Variants in SLC9A9 observed in about 807,000 individuals in gnomAD.
The protein encoded by SLC9A9 is sodium/hydrogen exchanger 9.
Under a neutral mutation model 77.8 loss-of-function variants are expected in SLC9A9, and 62 were observed. That is an observed-to-expected ratio of 0.80 (90% CI 0.65 to 0.98). The LOEUF is 0.98. Among genes scored for constraint, SLC9A9 ranks in the 50% least tolerant of loss-of-function variants. SLC9A9 has a pLI of 0.00. For missense variants in SLC9A9, 775 were observed against 774.9 expected (o/e 1.00, Z 0.00); for synonymous variants, 320 against 283.5 (o/e 1.13, Z -1.29).
In SLC9A9 at chr3:143,358,533, G is replaced by A. The variant is rs537482691; in HGVS notation, c.1604+4951C>T. 2.0e-5 allele frequency among the ~76,000 whole-genome samples: 3 copies of A among 152,238 alleles called. No homozygotes were observed. In the South Asian group the frequency reaches 6.2e-4, roughly 32 times the overall value. ...CTTATCCTGTGTCATTCACATTTATGGGGCTAATTTATACACACGTTTAAG... is the reference window on the plus strand; with the variant it reads ...CTTATCCTGTGTCATTCACATTTATAGGGCTAATTTATACACACGTTTAAG... On this transcript the variant is annotated intron_variant, in intron 14 of 15. Coordinates refer to ENST00000316549, the MANE Select transcript of SLC9A9 (RefSeq NM_173653.4).
At chr3:143,533,114 T>C (rs1168938721) in intron 9 of SLC9A9, among the ~76,000 whole-genome samples, 2 of 152,240 alleles carry the variant, frequency 1.3e-5, no homozygotes. Flanking sequence ...ACTCATTTAT[T>C]CACCCACAAA....
chr3:143,664,852 A>T (rs1465306994), intron 5 of SLC9A9, among the ~76,000 whole-genome samples: 2 of 152,246 alleles, frequency 1.3e-5, no homozygotes, highest in African/African-American at 4.8e-5. Context: ...TTAGAGACAT[A>T]CAAAGAGACT....
chr3:143,777,019 C>T (rs191408709), intron 4 of SLC9A9, among the ~76,000 whole-genome samples: 22 of 152,106 alleles, frequency 1.4e-4, no homozygotes, highest in Admixed American at 6.6e-4. Context: ...ATCTATCTGA[C>T]GAAAGATATG....
At chr3:143,331,145 TCCTGAGCATTC>T (rs371086417) in intron 14 of SLC9A9, among the ~76,000 whole-genome samples, 253 of 152,272 alleles carry the variant, frequency 1.7e-3, no homozygotes, top group African/African-American at 5.9e-3. Flanking sequence ...TTAGAGACAA[TCCTGAGCATTC>T]CCTGAGCATT....
intron 11 of SLC9A9, among the ~76,000 whole-genome samples, chr3:143,475,819 C>A (rs1337979152): frequency 1.4e-5 from 2 of 147,856 alleles, no homozygotes; most frequent in African/African-American, 2.4e-5. Context: ...ACAATTGGAA[C>A]CCAAAAGAAA....
intron 14 of SLC9A9, among the ~76,000 whole-genome samples, chr3:143,319,911 A>G (rs1302072109): frequency 6.6e-6 from 1 of 152,228 alleles, no homozygotes; most frequent in African/African-American, 2.4e-5. Flanking sequence ...TCTCTGAAAC[A>G]GGGATGACAG....
At chr3:143,524,236 G>A (rs2036365927) in intron 9 of SLC9A9, among the ~76,000 whole-genome samples, 1 of 152,058 alleles carries the variant, frequency 6.6e-6, no homozygotes, top group Non-Finnish European at 1.5e-5. Context: ...ATGGGGGTGG[G>A]GGATGGAAAG....
intron 12 of SLC9A9, among the ~76,000 whole-genome samples, chr3:143,453,902 C>T (rs1204978527): frequency 6.6e-6 from 1 of 152,122 alleles, no homozygotes; most frequent in African/African-American, 2.4e-5. Flanking sequence ...AAGTGAATGA[C>T]ATTGGGTGCC....
At chr3:143,746,798 T>C (rs1935207507) in intron 4 of SLC9A9, among the ~76,000 whole-genome samples, 1 of 152,208 alleles carries the variant, frequency 6.6e-6, no homozygotes. Flanking sequence ...AATGTCTTGC[T>C]TTCTCAGTCA....
intron 5 of SLC9A9, among the ~76,000 whole-genome samples, chr3:143,663,171 A>C (rs1397457467): frequency 6.6e-6 from 1 of 152,192 alleles, no homozygotes; most frequent in African/African-American, 2.4e-5. Context: ...CCAGGCAAAC[A>C]GGGTCTGCAG....
intron 12 of SLC9A9, among the ~76,000 whole-genome samples, chr3:143,453,311 C>A (rs1409527480): frequency 6.6e-6 from 1 of 151,840 alleles, no homozygotes; most frequent in Non-Finnish European, 1.5e-5. Flanking sequence ...TATGTTATTT[C>A]AGAATATGAA....
intron 5 of SLC9A9, among the ~76,000 whole-genome samples, chr3:143,669,901 G>T (rs2039132150): frequency 6.6e-6 from 1 of 152,258 alleles, no homozygotes; most frequent in East Asian, 1.9e-4. Context: ...CTTCATCAGT[G>T]GTGGTTACTG....
chr3:143,618,633 C>T (rs889321381), intron 6 of SLC9A9, among the ~76,000 whole-genome samples: 1 of 152,252 alleles, frequency 6.6e-6, no homozygotes, highest in South Asian at 2.1e-4. Context: ...GGCACGATGA[C>T]AGGAGAATGA....
At chr3:143,709,394 C>G (rs377185250) in intron 4 of SLC9A9, among the ~76,000 whole-genome samples, 1 of 152,082 alleles carries the variant, frequency 6.6e-6, no homozygotes, top group South Asian at 2.1e-4. Context: ...GACTAAGCAC[C>G]TGGGGATCAG....
At chr3:143,579,136 C>T (rs2037413623) in intron 6 of SLC9A9, among the ~76,000 whole-genome samples, 1 of 152,104 alleles carries the variant, frequency 6.6e-6, no homozygotes, top group East Asian at 1.9e-4. Context: ...ATGGCCTGTG[C>T]ACAAATGGGT....
chr3:143,406,038 T>C (rs1393665379), intron 12 of SLC9A9, among the ~76,000 whole-genome samples: 1 of 152,208 alleles, frequency 6.6e-6, no homozygotes. Flanking sequence ...TTAATTGATG[T>C]TTTACAAGCT....
intron 12 of SLC9A9, 162 bp from the exon 13 acceptor site, chr3:143,382,276 C>A: frequency 2.7e-6 from 2 of 749,362 alleles, no homozygotes; most frequent in Non-Finnish European, 4.6e-6. Context: ...AGATTTATAC[C>A]AAAATAAGAA....
At chr3:143,788,978 A>G (rs891451619) in intron 4 of SLC9A9, among the ~76,000 whole-genome samples, 2 of 152,188 alleles carry the variant, frequency 1.3e-5, no homozygotes, top group South Asian at 2.1e-4. Flanking sequence ...ATGTTATTTC[A>G]TACTTACTAG....
chr3:143,490,547 G>C (rs1310103496), intron 11 of SLC9A9, among the ~76,000 whole-genome samples: 1 of 152,170 alleles, frequency 6.6e-6, no homozygotes, highest in Non-Finnish European at 1.5e-5. Context: ...AATGGGTATA[G>C]AGTTTCAGTT....
Sources: allele counts gnomAD v4.1 joint callset (sites outside exome capture counted in the v4.1 genomes callset), GRCh38; gene constraint gnomAD v4.1.1; transcripts MANE v1.5; gene names NCBI Gene and HGNC (gene_info 2026-07-23, HGNC 2026-07-21).